The following KATNAL1 variants were observed in gnomAD, a reference collection of about 807,000 sequenced individuals.
The protein encoded by KATNAL1 is katanin catalytic subunit A1 like 1.
A neutral mutation model predicts 55.2 loss-of-function variants in KATNAL1; 32 were observed. The ratio of observed to expected loss-of-function variants is 0.58; its 90% CI spans 0.44 to 0.78. The LOEUF (loss-of-function observed/expected upper bound fraction) is 0.78, where lower values mean the gene tolerates loss of function less well. KATNAL1 is among the 30% of genes least tolerant of loss of function. KATNAL1 has a pLI of 0.00. For synonymous variants in KATNAL1, 193 were observed against 193.6 expected, an observed-to-expected ratio of 1.00 and a Z score of 0.02; for missense variants, 466 against 600.9, an observed-to-expected ratio of 0.78 and a Z score of 2.35.
At chr13:30,227,761 TTTC>T (rs1013425583) in intron 8 of KATNAL1, among the ~76,000 whole-genome samples, 2 of 148,836 alleles carry the variant, frequency 1.3e-5, no homozygotes, top group African/African-American at 5.1e-5. Context: ...TTTTTTTTTC[TTTC>T]TTTTTTTTTT....
chr13:30,283,494 G>T, intron 2 of KATNAL1, 122 bp downstream of exon 2: 1 of 711,474 alleles, frequency 1.4e-6, no homozygotes. Context: ...ATGTATTTCA[G>T]TATTGAGATA....
chr13:30,306,844 T>A (rs1883211050), intron 1 of KATNAL1: 1 of 152,278 alleles, frequency 6.6e-6, no homozygotes, highest in Non-Finnish European at 1.5e-5. Flanking sequence ...CGGCTGCTCA[T>A]CCCTGAGACT....
chr13:30,277,932 G>A (rs1210812131), intron 3 of KATNAL1, among the ~76,000 whole-genome samples: 3 of 131,456 alleles, frequency 2.3e-5, no homozygotes, highest in African/African-American at 5.8e-5. Flanking sequence ...GCAGTGAGCC[G>A]AGATTGCGCC....
Position 30,255,439 on chromosome 13 carries a change from C to A in KATNAL1, c.492+8G>T. ...AAGTGAGTGAATTACAGAAAGACAGCATCTTGCCTTGTCATCTCTCCCTCT... is the reference window on the plus strand; with the variant it reads ...AAGTGAGTGAATTACAGAAAGACAGAATCTTGCCTTGTCATCTCTCCCTCT... On this transcript the variant is annotated splice_region_variant and intron_variant, in intron 4 of 10. Coordinates refer to ENST00000380615, the MANE Select transcript of KATNAL1 (RefSeq NM_032116.5). 3 of 1,508,012 alleles carry A rather than the reference C, an allele frequency of 2.0e-6. No homozygotes were observed. Among genetic ancestry groups the A allele is most frequent in the East Asian group, 2.6e-5 (1 of 39,192 alleles). The allele number at this position is 1,508,012 out of a possible 1,614,324, so 93.4% of individuals were successfully genotyped here. A position where few individuals can be genotyped will look rare whatever the true frequency, so the allele number is the denominator to read the frequency against.
chr13:30,210,511 A>G (rs1873583886), intron 9 of KATNAL1, 69 bp from the exon 10 acceptor site: 1 of 1,456,782 alleles, frequency 6.9e-7, no homozygotes, highest in East Asian at 2.4e-5. Context: ...GAAATGACAT[A>G]TTAACATTTG....
At chr13:30,231,564 C>T in intron 6 of KATNAL1, 92 bp from the exon 7 acceptor site, 1 of 772,016 alleles carries the variant, frequency 1.3e-6, no homozygotes, top group Non-Finnish European at 1.8e-6. Context: ...TGAGATTTTT[C>T]CATCAAAAGA....
chr13:30,300,501 C>G (rs11841168), intron 1 of KATNAL1, among the ~76,000 whole-genome samples: 7,802 of 152,028 alleles, frequency 0.051, 198 homozygotes, highest in African/African-American at 0.065. Context: ...ATCAATATGT[C>G]CAGGCTTTAC....
Position 30,275,093 on chromosome 13 carries a change from T to C in KATNAL1, c.323+4970A>G, listed in dbSNP as rs117086243. On this transcript the variant is annotated intron_variant, in intron 3 of 10. Coordinates refer to ENST00000380615, the MANE Select transcript of KATNAL1 (RefSeq NM_032116.5). ...GTTTTTTGTTTGTTTTTGTTTTGCA[T>C]TGCTATACAGAAATACCTGAGGATG... Among the ~76,000 whole-genome samples the C allele has an allele frequency of 6.5e-3, 986 of 152,326 alleles. 5 individuals are homozygous for C. The highest frequency in any genetic ancestry group is 0.01 in the Non-Finnish European group (704 of 68,014).
intron 4 of KATNAL1, among the ~76,000 whole-genome samples, chr13:30,248,960 G>A (rs1878044078): frequency 6.6e-6 from 1 of 152,158 alleles, no homozygotes; most frequent in Admixed American, 6.5e-5. Context: ...TCAGGAGGCT[G>A]AGGCAGGAGA....
intron 8 of KATNAL1, among the ~76,000 whole-genome samples, chr13:30,227,938 T>G (rs950681577): frequency 6.6e-6 from 1 of 152,180 alleles, no homozygotes; most frequent in African/African-American, 2.4e-5. Flanking sequence ...TTTATTTTAG[T>G]TTTTAATCTA....
Position 30,206,841 on chromosome 13 carries a change from A to C in KATNAL1, c.*1699T>G, listed in dbSNP as rs565787864. ...TATTTCTTTATTTTAAAAGTTAATAAAAGGAAACCTCTCAATTTTTAGGAA... is the reference window on the plus strand; with the variant it reads ...TATTTCTTTATTTTAAAAGTTAATACAAGGAAACCTCTCAATTTTTAGGAA... On this transcript the variant is annotated 3_prime_UTR_variant, in exon 11 of 11. Coordinates refer to ENST00000380615, the MANE Select transcript of KATNAL1 (RefSeq NM_032116.5). The C allele has an allele frequency of 6.6e-6, 1 of 152,250 alleles. No individual in the cohort carries two copies. Among genetic ancestry groups the C allele is most frequent in the South Asian group, 2.1e-4 (1 of 4,828 alleles). The allele number at this position is 152,250 out of a possible 1,614,324, so 9.4% of individuals were successfully genotyped here.
chr13:30,283,517 T>A, intron 2 of KATNAL1, 99 bp downstream of exon 2: 1 of 1,036,774 alleles, frequency 9.6e-7, no homozygotes, highest in Non-Finnish European at 1.4e-6. Flanking sequence ...TAGGCACTAT[T>A]TCCATCTCAA....
At chr13:30,244,047 A>T (rs1050679248) in intron 4 of KATNAL1, among the ~76,000 whole-genome samples, 2 of 151,970 alleles carry the variant, frequency 1.3e-5, no homozygotes, top group African/African-American at 4.8e-5. Flanking sequence ...CATCATCTAC[A>T]TTAGGTATTT....
In KATNAL1 at chr13:30,250,147, G is replaced by T. The variant is rs182416418; in HGVS notation, c.492+5300C>A. 3.3e-5 allele frequency among the ~76,000 whole-genome samples: 5 copies of T among 152,230 alleles called. No individual in the cohort carries two copies. In the East Asian group the frequency reaches 9.6e-4, roughly 29 times the overall value. ...GATGTTGAAATCCATCATACAGGTG[G>T]TATTTATATCACAGAATTAGCAAAT... On this transcript the variant is annotated intron_variant, in intron 4 of 10. Coordinates refer to ENST00000380615, the MANE Select transcript of KATNAL1 (RefSeq NM_032116.5).
intron 3 of KATNAL1, among the ~76,000 whole-genome samples, chr13:30,275,557 C>A (rs1297024102): frequency 6.6e-6 from 1 of 151,970 alleles, no homozygotes; most frequent in African/African-American, 2.4e-5. Context: ...TTACCAGGGG[C>A]TAGGGGAGAA....
chr13:30,259,863 A>G (rs1252417684), intron 3 of KATNAL1, among the ~76,000 whole-genome samples: 1 of 152,246 alleles, frequency 6.6e-6, no homozygotes, highest in African/African-American at 2.4e-5. Flanking sequence ...AACTGGGTGG[A>G]GCCCACCACA....
rs1210149316 is a variant in KATNAL1, at chr13:30,270,052, C to T, written c.323+10011G>A. Among the ~76,000 whole-genome samples the T allele has an allele frequency of 4.5e-5, 6 of 132,882 alleles. 1 individual carries two copies. The highest frequency in any genetic ancestry group is 9.9e-5 in the Non-Finnish European group (6 of 60,692). The allele number at this position is 132,882 out of a possible 152,430, so 87.2% of individuals were successfully genotyped here. A position where few individuals can be genotyped will look rare whatever the true frequency, so the allele number is the denominator to read the frequency against. Reference sequence around the variant, plus strand: ...GGTGTCAGCCCCCCGCCCGGCCAGCCGCCCCATCCGGGAGGGAGGTGGGGG... The same window carrying T: ...GGTGTCAGCCCCCCGCCCGGCCAGCTGCCCCATCCGGGAGGGAGGTGGGGG... On this transcript the variant is annotated intron_variant, in intron 3 of 10. Coordinates refer to ENST00000380615, the MANE Select transcript of KATNAL1 (RefSeq NM_032116.5).
chr13:30,305,044 A>G (rs1025052224), intron 1 of KATNAL1, among the ~76,000 whole-genome samples: 1 of 152,190 alleles, frequency 6.6e-6, no homozygotes, highest in African/African-American at 2.4e-5. Context: ...GTTTTTTTCT[A>G]TTATACAACT....
intron 1 of KATNAL1, among the ~76,000 whole-genome samples, chr13:30,285,323 TCAC>T (rs10612266): frequency 0.54 from 81,801 of 151,668 alleles, 23,630 homozygotes; most frequent in African/African-American, 0.76. Flanking sequence ...ATTGTAATAA[TCAC>T]CACGTGTCAA....
Sources: gnomAD v4.1 joint callset for allele counts (sites outside exome capture counted in the v4.1 genomes callset) on GRCh38, gnomAD v4.1.1 for gene constraint, MANE v1.5 for transcripts, NCBI Gene and HGNC (gene_info 2026-07-23, HGNC 2026-07-21) for gene names.